Variants in PARD6G observed in about 807,000 individuals in gnomAD.
PARD6G encodes par-6 family cell polarity regulator gamma.
In PARD6G, 7 loss-of-function variants were observed where a neutral mutation model predicts 10.7. That is an observed-to-expected ratio of 0.66 (90% CI 0.37 to 1.23). The LOEUF (loss-of-function observed/expected upper bound fraction) is 1.23, where lower values mean the gene tolerates loss of function less well. Ranked by LOEUF, PARD6G falls within the 50% of genes most tolerant of loss-of-function variation. The pLI is 0.02. For missense variants in PARD6G, 548 were observed against 571.8 expected, an observed-to-expected ratio of 0.96 and a Z score of 0.42; for synonymous variants, 287 against 269.4, an observed-to-expected ratio of 1.07 and a Z score of -0.64.
intron 1 of PARD6G, among the ~76,000 whole-genome samples, chr18:80,218,257 T>C (rs11081600): frequency 0.17 from 25,983 of 151,942 alleles, 2,817 homozygotes; most frequent in East Asian, 0.43. Flanking sequence ...ACAAGCCAAG[T>C]CCTTTCTGCC....
rs200952242 is a variant in PARD6G at position 80,236,479 on chromosome 18, A to G, written c.72+10798T>C. On this transcript the variant is annotated intron_variant, in intron 1 of 2. Coordinates refer to ENST00000353265, the MANE Select transcript of PARD6G (RefSeq NM_032510.4). ...CCCTCCCTCACCACTCCTATTCAAC[A>G]TAGTGTTGGAAGTTCTGGCCAGGAC... is the stretch of plus-strand genomic sequence containing the variant. 5.9e-4 allele frequency among the ~76,000 whole-genome samples: 90 copies of G among 152,302 alleles called. 1 individual carries two copies. In the East Asian group the frequency reaches 0.017, roughly 28 times the overall value.
intron 1 of PARD6G, among the ~76,000 whole-genome samples, chr18:80,223,301 AG>A (rs1967252349): frequency 6.6e-6 from 1 of 152,242 alleles, no homozygotes; most frequent in Non-Finnish European, 1.5e-5. Context: ...TTGTGCTTCA[AG>A]GAACATCATG....
chr18:80,209,735 C>G (rs1472703403), intron 1 of PARD6G, among the ~76,000 whole-genome samples: 1 of 152,180 alleles, frequency 6.6e-6, no homozygotes, highest in Non-Finnish European at 1.5e-5. Flanking sequence ...TCGTTTGAAC[C>G]TGGGATGTGG....
chr18:80,164,851 T>C (rs186179874), intron 2 of PARD6G, among the ~76,000 whole-genome samples: 3 of 151,676 alleles, frequency 2.0e-5, no homozygotes, highest in African/African-American at 7.3e-5. Context: ...AAACAGGGAG[T>C]GGGTACAAAG....
At chr18:80,169,961 C>G (rs572155854) in intron 2 of PARD6G, 39 of 152,360 alleles carry the variant, frequency 2.6e-4, no homozygotes, top group African/African-American at 8.9e-4. Flanking sequence ...ACGTCTCCGT[C>G]CCTCGATGAC....
At chr18:80,215,953 A>G (rs1487590160) in intron 1 of PARD6G, among the ~76,000 whole-genome samples, 1 of 152,168 alleles carries the variant, frequency 6.6e-6, no homozygotes, top group Non-Finnish European at 1.5e-5. Context: ...CCATGCAAAC[A>G]GTACCTAAAA....
chr18:80,174,723 G>A (rs1431658526), intron 2 of PARD6G, among the ~76,000 whole-genome samples: 2 of 152,044 alleles, frequency 1.3e-5, no homozygotes, highest in Non-Finnish European at 2.9e-5. Flanking sequence ...GGGAGGCCGA[G>A]GCGGGCGGAT....
At chr18:80,185,002 G>C (rs1012431417) in intron 2 of PARD6G, 1 of 152,210 alleles carries the variant, frequency 6.6e-6, no homozygotes, top group Non-Finnish European at 1.5e-5. Flanking sequence ...CTAGTCCCAT[G>C]AACTTACCCT....
intron 1 of PARD6G, among the ~76,000 whole-genome samples, chr18:80,217,660 A>G (rs1337221676): frequency 1.3e-5 from 2 of 152,218 alleles, no homozygotes; most frequent in Non-Finnish European, 2.9e-5. Flanking sequence ...AAATGTCTGA[A>G]GAGTACTCCT....
intron 2 of PARD6G, chr18:80,171,217 C>T (rs1183978780): frequency 6.6e-6 from 1 of 152,268 alleles, no homozygotes; most frequent in Non-Finnish European, 1.5e-5. Context: ...GGAAAGAAGA[C>T]TCTACCGTGC....
chr18:80,215,509 G>T (rs1297984637), intron 1 of PARD6G, among the ~76,000 whole-genome samples: 1 of 152,148 alleles, frequency 6.6e-6, no homozygotes, highest in Non-Finnish European at 1.5e-5. Flanking sequence ...GATGGGAATA[G>T]AGTTATATCG....
chr18:80,165,391 G>A (rs2052728930), intron 2 of PARD6G, among the ~76,000 whole-genome samples: 1 of 152,142 alleles, frequency 6.6e-6, no homozygotes, highest in African/African-American at 2.4e-5. Flanking sequence ...AGACCTTATG[G>A]TTGTCTTCCC....
chr18:80,212,580 T>C (rs985007419), intron 1 of PARD6G, among the ~76,000 whole-genome samples: 1 of 152,172 alleles, frequency 6.6e-6, no homozygotes, highest in African/African-American at 2.4e-5. Flanking sequence ...TCACCAAAAA[T>C]TGGGTAAATA....
intron 1 of PARD6G, among the ~76,000 whole-genome samples, chr18:80,212,649 G>T (rs548809502): frequency 3.3e-5 from 5 of 152,150 alleles, no homozygotes; most frequent in African/African-American, 1.2e-4. Context: ...ATTTTGGGAG[G>T]CCAAGGCGGG....
intron 1 of PARD6G, among the ~76,000 whole-genome samples, chr18:80,242,773 C>T (rs746246619): frequency 3.9e-5 from 6 of 152,144 alleles, no homozygotes. Flanking sequence ...AATAAATACA[C>T]AAATAGCCAA....
Position 80,184,340 on chromosome 18 carries a change from CA to C in PARD6G, c.295+18369del, listed in dbSNP as rs2052862330. The C allele has an allele frequency of 6.6e-6, 1 of 152,292 alleles. No individual in the cohort carries two copies. The highest frequency in any genetic ancestry group is 1.5e-5 in the Non-Finnish European group (1 of 68,072). 9.4% of individuals were successfully genotyped at this position (152,292 alleles called of 1,614,324 possible). On this transcript the variant is annotated intron_variant, in intron 2 of 2. Coordinates refer to ENST00000353265, the MANE Select transcript of PARD6G (RefSeq NM_032510.4). The surrounding 1 kb of genome is among the most constrained non-coding windows in gnomAD (Gnocchi z 4.5). ...ACAGAAACTTGTATGTGAGCATTCGCAGCGGCATCATTCACAGTGGCCAGGA... is the reference window on the plus strand; with the variant it reads ...ACAGAAACTTGTATGTGAGCATTCGCGCGGCATCATTCACAGTGGCCAGGA...
intron 2 of PARD6G, among the ~76,000 whole-genome samples, chr18:80,163,423 CCT>C (rs1203672328): frequency 4.2e-5 from 6 of 142,602 alleles, no homozygotes; most frequent in Admixed American, 4.1e-4. Flanking sequence ...TTCCAAGCAT[CCT>C]CTTTCTCTCT....
At position 80,183,298 on chromosome 18, in the gene PARD6G, C is replaced by A; in HGVS notation, c.295+19412G>T. ...AGGCATAGTGGAAAAGTACGCTGAC[C>A]TTCTCAGTGGCTCTAAAACAACAAG... On this transcript the variant is annotated intron_variant, in intron 2 of 2. Coordinates refer to ENST00000353265, the MANE Select transcript of PARD6G (RefSeq NM_032510.4). This position sits in a 1 kb window ranked among gnomAD's most constrained non-coding sequence, Gnocchi z 4.5. 1 of 640,070 alleles carries A rather than the reference C, an allele frequency of 1.6e-6. No homozygotes were observed. The highest frequency in any genetic ancestry group is 2.8e-6 in the Non-Finnish European group (1 of 354,424). The allele number at this position is 640,070 out of a possible 1,614,324, so 39.6% of individuals were successfully genotyped here.
chr18:80,192,384 T>C lies in PARD6G; in HGVS notation c.295+10326A>G, dbSNP rs924273384. Among the ~76,000 whole-genome samples, 1 of 151,910 alleles carries C rather than the reference T, an allele frequency of 6.6e-6. No homozygotes were observed. Among genetic ancestry groups the C allele is most frequent in the Non-Finnish European group, 1.5e-5 (1 of 68,010 alleles). Reference sequence around the variant, plus strand: ...TGGAGCCCTTAGGTGAGGCCTCAACTGAATGCCAACCCTAACTGAAGCCAC... The same window carrying C: ...TGGAGCCCTTAGGTGAGGCCTCAACCGAATGCCAACCCTAACTGAAGCCAC... On this transcript the variant is annotated intron_variant, in intron 2 of 2. Coordinates refer to ENST00000353265, the MANE Select transcript of PARD6G (RefSeq NM_032510.4). The surrounding 1 kb of genome is among the most constrained non-coding windows in gnomAD (Gnocchi z 4.9).
Sources: allele counts gnomAD v4.1 joint callset (sites outside exome capture counted in the v4.1 genomes callset), GRCh38; gene constraint gnomAD v4.1.1; non-coding constraint Gnocchi (gnomAD v3.1); transcripts MANE v1.5; gene names NCBI Gene and HGNC (gene_info 2026-07-23, HGNC 2026-07-21).